Variants in IMMP2L observed in about 807,000 individuals in gnomAD.
The protein encoded by IMMP2L is mitochondrial inner membrane protease subunit 2.
IMMP2L carries 18 observed loss-of-function variants against 19.3 expected under a neutral mutation model. The ratio of observed to expected loss-of-function variants is 0.93; its 90% CI spans 0.64 to 1.38. The LOEUF is 1.38. Ranked by LOEUF, IMMP2L falls within the 40% of genes most tolerant of loss-of-function variation. The pLI, the probability that IMMP2L is intolerant of heterozygous loss-of-function variation, is 0.00. For synonymous variants in IMMP2L, 76 were observed against 73.0 expected (o/e 1.04, Z -0.21); for missense variants, 233 against 218.2 (o/e 1.07, Z -0.43).
At chr7:111,431,371 T>C (rs1836615674) in intron 3 of IMMP2L, among the ~76,000 whole-genome samples, 1 of 151,884 alleles carries the variant, frequency 6.6e-6, no homozygotes, top group South Asian at 2.1e-4. Context: ...GCAAGTCAGT[T>C]TGCTTGGTCT....
intron 5 of IMMP2L, among the ~76,000 whole-genome samples, chr7:110,850,174 G>A (rs1267412253): frequency 6.6e-6 from 1 of 152,086 alleles, no homozygotes; most frequent in East Asian, 1.9e-4. Flanking sequence ...ATTAGGGTAG[G>A]AGACTGGTAG....
At chr7:110,683,926 A>T (rs756603373) in intron 5 of IMMP2L, among the ~76,000 whole-genome samples, 10 of 152,136 alleles carry the variant, frequency 6.6e-5, no homozygotes, top group Admixed American at 3.9e-4. Flanking sequence ...GTTTAGGGTC[A>T]TTCAACATTC....
At chr7:111,303,424 C>G (rs944709488) in intron 3 of IMMP2L, among the ~76,000 whole-genome samples, 2 of 152,022 alleles carry the variant, frequency 1.3e-5, no homozygotes, top group African/African-American at 2.4e-5. Context: ...TTTACATATA[C>G]TCACAGTTTG....
intron 3 of IMMP2L, among the ~76,000 whole-genome samples, chr7:111,326,745 G>A (rs768450177): frequency 1.1e-4 from 17 of 151,850 alleles, no homozygotes; most frequent in Non-Finnish European, 2.1e-4. Flanking sequence ...TGCACTGTTG[G>A]TGGGAAATGC....
At chr7:110,854,946 T>A (rs6466363) in intron 5 of IMMP2L, among the ~76,000 whole-genome samples, 73,397 of 151,590 alleles carry the variant, frequency 0.48, 18,460 homozygotes, top group East Asian at 0.8. Context: ...AGCTTCTAGA[T>A]CCGTCTTTCC....
chr7:110,926,007 C>A (rs143872305), intron 4 of IMMP2L, among the ~76,000 whole-genome samples: 1 of 151,894 alleles, frequency 6.6e-6, no homozygotes, highest in Non-Finnish European at 1.5e-5. Context: ...TAAACATCTG[C>A]AAAAAATATA....
chr7:111,039,409 C>T (rs1469859974), intron 3 of IMMP2L, among the ~76,000 whole-genome samples: 2 of 152,082 alleles, frequency 1.3e-5, no homozygotes, highest in Middle Eastern at 3.4e-3. Context: ...CTCTATTAAC[C>T]GTTAAACTAA....
At chr7:111,203,675 A>T (rs1810401054) in intron 3 of IMMP2L, among the ~76,000 whole-genome samples, 1 of 151,814 alleles carries the variant, frequency 6.6e-6, no homozygotes, top group Non-Finnish European at 1.5e-5. Context: ...CATTAGGTAA[A>T]ATAATTCTTC....
chr7:110,787,854 G>A (rs539342402), intron 5 of IMMP2L, among the ~76,000 whole-genome samples: 1 of 149,858 alleles, frequency 6.7e-6, no homozygotes, highest in South Asian at 2.1e-4. Context: ...GTTCCAGGAA[G>A]GACAAAAAAA....
intron 5 of IMMP2L, among the ~76,000 whole-genome samples, chr7:110,676,682 A>G (rs1792322163): frequency 6.6e-6 from 1 of 152,232 alleles, no homozygotes; most frequent in Non-Finnish European, 1.5e-5. Flanking sequence ...ATTAAGTAAC[A>G]GGAGGGTTTC....
At chr7:110,800,576 T>C (rs1176852263) in intron 5 of IMMP2L, among the ~76,000 whole-genome samples, 1 of 152,106 alleles carries the variant, frequency 6.6e-6, no homozygotes, top group African/African-American at 2.4e-5. Flanking sequence ...TCATAGTTTC[T>C]TCCCAAAAAG....
At chr7:110,782,502 G>A (rs1799805943) in intron 5 of IMMP2L, among the ~76,000 whole-genome samples, 1 of 151,824 alleles carries the variant, frequency 6.6e-6, no homozygotes, top group South Asian at 2.1e-4. Context: ...GCACCTCTAT[G>A]AACCACATTA....
At chr7:111,207,299 C>T (rs1047357359) in intron 3 of IMMP2L, among the ~76,000 whole-genome samples, 4 of 152,078 alleles carry the variant, frequency 2.6e-5, no homozygotes, top group African/African-American at 9.7e-5. Flanking sequence ...AGAAACTAAC[C>T]TATTTCATGG....
intron 3 of IMMP2L, among the ~76,000 whole-genome samples, chr7:111,032,283 A>G (rs1790907673): frequency 6.6e-6 from 1 of 152,148 alleles, no homozygotes; most frequent in East Asian, 1.9e-4. Flanking sequence ...GCAGATCAAT[A>G]GAATAGAATG....
chr7:111,182,614 T>C (rs887923926), intron 3 of IMMP2L, among the ~76,000 whole-genome samples: 2 of 151,872 alleles, frequency 1.3e-5, no homozygotes, highest in Non-Finnish European at 2.9e-5. Flanking sequence ...CCGAAATTTT[T>C]TTCAAGTGGT....
intron 3 of IMMP2L, among the ~76,000 whole-genome samples, chr7:111,134,363 T>G (rs1309733082): frequency 6.6e-6 from 1 of 152,006 alleles, no homozygotes; most frequent in Non-Finnish European, 1.5e-5. Context: ...GAAAGAGTAT[T>G]TGTAGATGTA....
At chr7:111,128,646 G>A (rs928839597) in intron 3 of IMMP2L, among the ~76,000 whole-genome samples, 3 of 152,134 alleles carry the variant, frequency 2.0e-5, no homozygotes, top group African/African-American at 7.2e-5. Flanking sequence ...CCAACATGGT[G>A]AAACTCCGTC....
intron 2 of IMMP2L, among the ~76,000 whole-genome samples, chr7:111,488,488 T>C (rs529645806): frequency 1.6e-3 from 238 of 152,288 alleles, no homozygotes; most frequent in African/African-American, 4.6e-3. Flanking sequence ...CTCCAATTCC[T>C]TTCAGATTGC....
At chr7:111,415,588 C>A (rs1184117650) in intron 3 of IMMP2L, among the ~76,000 whole-genome samples, 1 of 151,702 alleles carries the variant, frequency 6.6e-6, no homozygotes, top group African/African-American at 2.4e-5. Context: ...TACATTTTGA[C>A]AATTGAAGTG....
Sources: allele counts gnomAD v4.1 joint callset (sites outside exome capture counted in the v4.1 genomes callset), GRCh38; gene constraint gnomAD v4.1.1; transcripts MANE v1.5; gene names NCBI Gene and HGNC (gene_info 2026-07-23, HGNC 2026-07-21).